The following ADK variants were observed in gnomAD, a reference collection of about 807,000 sequenced individuals.
The protein encoded by ADK is adenosine kinase, also known as N6,N6-dimethyladenosine kinase.
In ADK, 24 loss-of-function variants were observed where a neutral mutation model predicts 44.7. That is an observed-to-expected ratio of 0.54 (90% CI 0.39 to 0.76). The LOEUF (loss-of-function observed/expected upper bound fraction) is 0.76. Among genes scored for constraint, ADK ranks in the 30% least tolerant of loss-of-function variants. The pLI is 0.00. For synonymous variants in ADK, 128 were observed against 142.6 expected (o/e 0.90, Z 0.73); for missense variants, 321 against 425.1 (o/e 0.76, Z 2.15).
At chr10:74,371,407 A>G (rs1214895979) in intron 4 of ADK, 6 of 596,142 alleles carry the variant, frequency 1.0e-5, no homozygotes, top group Non-Finnish European at 1.8e-5. Flanking sequence ...TATATACCAA[A>G]CAAAAATCTT....
intron 2 of ADK, among the ~76,000 whole-genome samples, chr10:74,222,963 C>T (rs766628204): frequency 2.6e-5 from 4 of 151,916 alleles, no homozygotes; most frequent in Admixed American, 6.6e-5. Context: ...CATACATATG[C>T]AACTAACCTG....
At chr10:74,614,771 C>A (rs374257377) in intron 9 of ADK, among the ~76,000 whole-genome samples, 1 of 151,304 alleles carries the variant, frequency 6.6e-6, no homozygotes, top group Non-Finnish European at 1.5e-5. Flanking sequence ...CTCCAAGGAA[C>A]CCTGGTTCCC....
At chr10:74,412,631 G>T (rs972298793) in intron 6 of ADK, among the ~76,000 whole-genome samples, 14 of 152,160 alleles carry the variant, frequency 9.2e-5, no homozygotes, top group Admixed American at 3.3e-4. Context: ...TTTAGCAGCC[G>T]TGAAAACAAC....
intron 3 of ADK, among the ~76,000 whole-genome samples, chr10:74,267,754 T>TTTTGTGTGTGTG (rs1554835954): frequency 0.033 from 4,429 of 132,656 alleles, 136 homozygotes; most frequent in Middle Eastern, 0.055. Context: ...ATATCCTTAT[T>TTTTGTGTGTGTG]TGTGTGTGTG....
chr10:74,242,500 A>G (rs1453613925), intron 3 of ADK, among the ~76,000 whole-genome samples: 2 of 152,270 alleles, frequency 1.3e-5, no homozygotes, highest in African/African-American at 4.8e-5. Flanking sequence ...CATTTAGGAA[A>G]TATGCAACCT....
At chr10:74,694,906 T>G (rs1856118948) in intron 10 of ADK, among the ~76,000 whole-genome samples, 3 of 152,292 alleles carry the variant, frequency 2.0e-5, no homozygotes, top group Admixed American at 6.5e-5. Flanking sequence ...TCTAAAAGTC[T>G]TACTATTTTT....
At chr10:74,345,506 C>T (rs1841735311) in intron 4 of ADK, among the ~76,000 whole-genome samples, 1 of 152,084 alleles carries the variant, frequency 6.6e-6, no homozygotes, top group Non-Finnish European at 1.5e-5. Context: ...CGAGGTCTCA[C>T]TGTATTGTCC....
chr10:74,404,527 A>G (rs1843839309), intron 6 of ADK, among the ~76,000 whole-genome samples: 1 of 152,152 alleles, frequency 6.6e-6, no homozygotes, highest in South Asian at 2.1e-4. Flanking sequence ...TCATTTTTGA[A>G]AGACATTTGT....
chr10:74,458,119 CTTTTTTTTT>C (rs1172945144), intron 6 of ADK, among the ~76,000 whole-genome samples: 335 of 74,478 alleles, frequency 4.5e-3, no homozygotes, highest in African/African-American at 0.019. Context: ...TGCATTAAAA[CTTTTTTTTT>C]TTTTTTTTTT....
chr10:74,379,088 T>G (rs1287964586), intron 4 of ADK, among the ~76,000 whole-genome samples: 1 of 152,148 alleles, frequency 6.6e-6, no homozygotes, highest in Non-Finnish European at 1.5e-5. Context: ...CATAGACTAT[T>G]GTAAAGATTT....
At chr10:74,660,097 T>A (rs970374880) in intron 9 of ADK, among the ~76,000 whole-genome samples, 12 of 152,172 alleles carry the variant, frequency 7.9e-5, no homozygotes, top group Admixed American at 6.6e-4. Context: ...CTCAGAAAAA[T>A]CCTGTAAGTA....
At chr10:74,295,460 CT>C (rs1839778584) in intron 3 of ADK, among the ~76,000 whole-genome samples, 1 of 87,418 alleles carries the variant, frequency 1.1e-5, no homozygotes, top group African/African-American at 3.3e-5. Context: ...AAGACTCTGT[CT>C]CAAAAAAAAA....
intron 6 of ADK, among the ~76,000 whole-genome samples, chr10:74,520,687 A>G (rs116057032): frequency 1.4e-4 from 21 of 152,076 alleles, no homozygotes; most frequent in African/African-American, 4.8e-4. Context: ...ACTCTGAAAA[A>G]TCCTTAGAGT....
intron 6 of ADK, among the ~76,000 whole-genome samples, chr10:74,417,794 A>C (rs1416534800): frequency 6.6e-6 from 1 of 151,936 alleles, no homozygotes; most frequent in Non-Finnish European, 1.5e-5. Context: ...CTGGGTTTCC[A>C]TTCACGAGCC....
intron 4 of ADK, among the ~76,000 whole-genome samples, chr10:74,320,160 C>A (rs1315077912): frequency 6.6e-6 from 1 of 152,160 alleles, no homozygotes; most frequent in Admixed American, 6.5e-5. Flanking sequence ...CTATTGTTAA[C>A]AAACTGTCTT....
At position 74,325,915 on chromosome 10, in the gene ADK, G is replaced by A. The variant is rs1035470767; in HGVS notation, c.273+11170G>A. Reference sequence around the variant, plus strand: ...CTGTCACCCAGGCTGAGGTGCAGAGGTGCTCTACCTCCTGGATTCAAGTGA... The same window carrying A: ...CTGTCACCCAGGCTGAGGTGCAGAGATGCTCTACCTCCTGGATTCAAGTGA... On this transcript the variant is annotated intron_variant, in intron 4 of 10. Transcript: ENST00000539909. 2.0e-5 allele frequency among the ~76,000 whole-genome samples: 3 copies of A among 151,772 alleles called. No homozygotes were observed. The East Asian group carries it at 5.8e-4, about 29-fold the overall frequency.
At chr10:74,160,447 G>A (rs1025595752) in intron 1 of ADK, among the ~76,000 whole-genome samples, 2 of 152,214 alleles carry the variant, frequency 1.3e-5, no homozygotes, top group Non-Finnish European at 1.5e-5. Context: ...TACCTCTGCC[G>A]ATGCTTTACA....
chr10:74,224,652 A>G, intron 3 of ADK, 61 bp downstream of exon 3: 1 of 1,331,958 alleles, frequency 7.5e-7, no homozygotes, highest in Non-Finnish European at 1.1e-6. Context: ...TGATATATGT[A>G]TATGTAAATT....
chr10:74,556,060 G>A (rs1564790140), intron 7 of ADK, among the ~76,000 whole-genome samples: 1 of 152,208 alleles, frequency 6.6e-6, no homozygotes, highest in Non-Finnish European at 1.5e-5. Flanking sequence ...ATTAAAAGGA[G>A]TGAAGGTTTA....
Sources: gnomAD v4.1 joint callset for allele counts (sites outside exome capture counted in the v4.1 genomes callset) on GRCh38, gnomAD v4.1.1 for gene constraint, MANE v1.5 for transcripts, NCBI Gene and HGNC (gene_info 2026-07-23, HGNC 2026-07-21) for gene names.